The following CFAP69 variants were observed in gnomAD, a reference collection of about 807,000 sequenced individuals.
CFAP69 encodes the protein cilia and flagella associated protein 69, also known as cilia- and flagella-associated protein 69.
CFAP69 carries 92 observed loss-of-function variants against 123.0 expected under a neutral mutation model. The observed-to-expected ratio is 0.75, with a 90% CI of 0.63 to 0.89. The LOEUF (loss-of-function observed/expected upper bound fraction) is 0.89. CFAP69 is among the 40% of genes least tolerant of loss of function. The pLI is 0.00. For synonymous variants in CFAP69, 380 were observed against 364.3 expected (o/e 1.04, Z -0.49); for missense variants, 1,067 against 1,096.9 (o/e 0.97, Z 0.39).
At chr7:90,286,231 A>G (rs1483851685) in intron 13 of CFAP69, 50 bp from the exon 14 acceptor site, 3 of 1,466,114 alleles carry the variant, frequency 2.0e-6, no homozygotes, top group Non-Finnish European at 2.7e-6. Context: ...ATTGATCAAA[A>G]TAAAAGTAGT....
At chr7:90,295,048 C>T (rs1791735357) in intron 15 of CFAP69, among the ~76,000 whole-genome samples, 1 of 152,142 alleles carries the variant, frequency 6.6e-6, no homozygotes, top group Non-Finnish European at 1.5e-5. Context: ...CCAGCATTCC[C>T]ATTTGCTCTC....
chr7:90,276,545 T>C (rs1437599794), intron 9 of CFAP69, among the ~76,000 whole-genome samples: 2 of 152,270 alleles, frequency 1.3e-5, no homozygotes, highest in Non-Finnish European at 2.9e-5. Context: ...TCAGGAATGC[T>C]GATATGCTAA....
chr7:90,300,975 C>CTT, intron 17 of CFAP69: 2 of 147,218 alleles, frequency 1.4e-5, no homozygotes, highest in Non-Finnish European at 3.0e-5. Flanking sequence ...TTCTTTTTTT[C>CTT]TTTTTTTTTT....
At chr7:90,257,937 C>T (rs965473855) in intron 2 of CFAP69, among the ~76,000 whole-genome samples, 161 bp from the exon 3 acceptor site, 1 of 152,004 alleles carries the variant, frequency 6.6e-6, no homozygotes, top group Non-Finnish European at 1.5e-5. Flanking sequence ...TTTATTTTTA[C>T]CTTCACTGTT....
In CFAP69 at chr7:90,258,133, G is replaced by T; in HGVS notation, c.216G>T (p.Lys72Asn). The change falls in exon 3 of 23, where the codon AAG becomes AAT. Residue 72 changes from lysine (K) to asparagine (N), a missense_variant. Physicochemically the swap from Lys to Asn is moderately conservative, Grantham distance 94 (BLOSUM62 0). Coordinates refer to ENST00000389297, the MANE Select transcript of CFAP69 (RefSeq NM_001039706.3). ...AAGAAAAACAACTTAAATTTGTCAA[G>T]AAACTGGTACAGTGTTATCAGAATG... ...GLEEKQLKFVKKLVQCYQNGL... is the reference protein window; with the variant it reads ...GLEEKQLKFVNKLVQCYQNGL... The T allele has an allele frequency of 9.3e-6, 15 of 1,610,864 alleles. No individual in the cohort carries two copies. Among genetic ancestry groups the T allele is most frequent in the Non-Finnish European group, 1.3e-5 (15 of 1,178,408 alleles).
intron 5 of CFAP69, chr7:90,266,223 T>G (rs1799143978): frequency 6.6e-6 from 1 of 152,152 alleles, no homozygotes; most frequent in African/African-American, 2.4e-5. Flanking sequence ...CCCTTTTATA[T>G]CTCAGTAGGT....
intron 1 of CFAP69, among the ~76,000 whole-genome samples, chr7:90,246,447 C>G (rs371668626): frequency 2.2e-4 from 34 of 152,332 alleles, no homozygotes; most frequent in African/African-American, 8.2e-4. Context: ...CTGTCTCTTG[C>G]GTTCACATCC....
chr7:90,256,534 A>T (rs1797675843), intron 2 of CFAP69, among the ~76,000 whole-genome samples: 1 of 152,162 alleles, frequency 6.6e-6, no homozygotes, highest in African/African-American at 2.4e-5. Context: ...AAAAAAAAAA[A>T]AAAAATTTTT....
the CFAP69 span, chr7:90,319,755 T>C: frequency 2.5e-6 from 1 of 397,832 alleles, no homozygotes; most frequent in Non-Finnish European, 4.4e-6. Flanking sequence ...ACATATTCTA[T>C]ACAGAAAAAA....
At chr7:90,300,393 A>G in intron 17 of CFAP69, 1 of 874,322 alleles carries the variant, frequency 1.1e-6, no homozygotes, top group Non-Finnish European at 1.4e-6. Context: ...ATGTAAATAG[A>G]TTGCTTCAAA....
chr7:90,288,884 T>TC (rs1215906657), intron 15 of CFAP69, among the ~76,000 whole-genome samples: 1 of 78,438 alleles, frequency 1.3e-5, no homozygotes, highest in Non-Finnish European at 2.2e-5. Flanking sequence ...ATTACTGTAA[T>TC]TTTTTTTTTA....
rs1788721308 is a variant in CFAP69, at chr7:90,277,059, T to C, written c.985-14T>C. 1.3e-6 allele frequency: 2 copies of C among 1,524,668 alleles called. No homozygotes were observed. The highest frequency in any genetic ancestry group is 8.9e-7 in the Non-Finnish European group (1 of 1,128,148). The allele number at this position is 1,524,668 out of a possible 1,614,324, so 94.4% of individuals were successfully genotyped here. A position where few individuals can be genotyped will look rare whatever the true frequency, so the allele number is the denominator to read the frequency against. ...TTCATTCATCTTTCTGCTTATTTTATGTATTTATATTAGGAATGTGGCTTT... is the reference window on the plus strand; with the variant it reads ...TTCATTCATCTTTCTGCTTATTTTACGTATTTATATTAGGAATGTGGCTTT... On this transcript the variant is annotated splice_polypyrimidine_tract_variant and intron_variant, in intron 9 of 22. Transcript: ENST00000389297.
intron 5 of CFAP69, among the ~76,000 whole-genome samples, chr7:90,267,076 G>A (rs572140944): frequency 1.3e-5 from 2 of 152,080 alleles, no homozygotes; most frequent in South Asian, 4.1e-4. Context: ...TAGTCTTGTT[G>A]GAAAAGCTTA....
intron 9 of CFAP69, among the ~76,000 whole-genome samples, chr7:90,275,590 CTTTTTTTTTTTTTTTT>C (rs57578763): frequency 1.6e-5 from 1 of 62,040 alleles, no homozygotes; most frequent in Non-Finnish European, 2.8e-5. Flanking sequence ...GGCCAAAAGC[CTTTTTTTTTTTTTTTT>C]TTTTTTTTTT....
intron 17 of CFAP69, chr7:90,300,715 A>C (rs906093257): frequency 1.0e-5 from 2 of 195,122 alleles, no homozygotes; most frequent in African/African-American, 4.8e-5. Flanking sequence ...TGATGGTGCA[A>C]TCTTGGCTCA....
chr7:90,310,252 C>T lies in CFAP69; in HGVS notation c.*14C>T, dbSNP rs1044322284. ...ATTCCTACGTAATATACTATAGAGA[C>T]TTTTTGAAATAAAGTCAGCTTATAA... On this transcript the variant is annotated 3_prime_UTR_variant, in exon 23 of 23. Transcript: ENST00000389297. The T allele has an allele frequency of 1.3e-6, 2 of 1,568,610 alleles. No individual in the cohort carries two copies. The highest frequency in any genetic ancestry group is 1.7e-6 in the Non-Finnish European group (2 of 1,154,822).
chr7:90,270,383 A>G (rs1421165017), intron 6 of CFAP69, among the ~76,000 whole-genome samples: 1 of 152,200 alleles, frequency 6.6e-6, no homozygotes, highest in Non-Finnish European at 1.5e-5. Flanking sequence ...TTTAGTGAGT[A>G]CAGTAGAATA....
intron 4 of CFAP69, among the ~76,000 whole-genome samples, chr7:90,262,902 G>A (rs1414650772): frequency 2.0e-5 from 3 of 151,970 alleles, no homozygotes. Flanking sequence ...TGTATTTTCT[G>A]ATATCTGAAT....
At chr7:90,252,500 T>G (rs1797153440) in intron 1 of CFAP69, among the ~76,000 whole-genome samples, 1 of 152,020 alleles carries the variant, frequency 6.6e-6, no homozygotes, top group South Asian at 2.1e-4. Context: ...ACACTCTATC[T>G]CTACAAAAAC....
Sources: allele counts gnomAD v4.1 joint callset (sites outside exome capture counted in the v4.1 genomes callset), GRCh38; gene constraint gnomAD v4.1.1; transcripts MANE v1.5; gene names NCBI Gene and HGNC (gene_info 2026-07-23, HGNC 2026-07-21).